HAUS5: variants seen among roughly 807,000 people sequenced by gnomAD.
The protein encoded by HAUS5 is HAUS augmin like complex subunit 5, also known as HAUS augmin-like complex subunit 5.
In HAUS5, 67 loss-of-function variants were observed where a neutral mutation model predicts 94.1. The observed-to-expected ratio is 0.71, with a 90% CI of 0.58 to 0.87. HAUS5 has a LOEUF of 0.87. Among genes scored for constraint, HAUS5 ranks in the 40% least tolerant of loss-of-function variants. The pLI is 0.00. For missense variants in HAUS5, 739 were observed against 825.6 expected, an observed-to-expected ratio of 0.90 and a Z score of 1.29; for synonymous variants, 339 against 355.4, an observed-to-expected ratio of 0.95 and a Z score of 0.52.
rs766118317 is a variant in HAUS5, at chr19:35,618,928, C to CG, written c.1060dup (p.Glu354GlyfsTer81). 6.2e-7 allele frequency: 1 copy of CG among 1,612,852 alleles called. No individual in the cohort carries two copies. The highest frequency in any genetic ancestry group is 2.2e-5 in the East Asian group (1 of 44,846). On this transcript the variant is annotated frameshift_variant, in exon 13 of 19. Coordinates refer to ENST00000203166, the MANE Select transcript of HAUS5 (RefSeq NM_015302.2). LOFTEE classifies it high-confidence loss of function. ...GGGCTTCGGCGCTGTTGCCTGTGGA[C>CG]GGAGCTCAAGGCCCTGCACGATCAG...
chr19:35,619,849 C>A, intron 15 of HAUS5, 91 bp downstream of exon 15: 2 of 1,515,870 alleles, frequency 1.3e-6, no homozygotes, highest in Non-Finnish European at 1.8e-6. Flanking sequence ...TAACCCCAGA[C>A]CCCCAGTGTT....
chr19:35,617,409 G>A (rs1292884652), intron 8 of HAUS5, 40 bp downstream of exon 8: 1 of 1,381,202 alleles, frequency 7.2e-7, no homozygotes, highest in East Asian at 2.3e-5. Flanking sequence ...TAAAGACCCT[G>A]GGTTTTAAGT....
Position 35,617,385 on chromosome 19 carries a change from C to T in HAUS5, c.638+16C>T. 6.4e-7 allele frequency: 1 copy of T among 1,568,306 alleles called. No individual in the cohort carries two copies. On this transcript the variant is annotated intron_variant, in intron 8 of 18. Coordinates refer to ENST00000203166, the MANE Select transcript of HAUS5 (RefSeq NM_015302.2). ...GCAGCCTCCCGTGAGTGTCCCTAGC[C>T]CCCAGAGACCCTGTAAAGACCCTGG... is the stretch of plus-strand genomic sequence containing the variant.
In HAUS5 at chr19:35,612,902, G is replaced by T; in HGVS notation, c.98+10G>T. The T allele has an allele frequency of 1.3e-6, 2 of 1,505,006 alleles. No homozygotes were observed. The highest frequency in any genetic ancestry group is 1.8e-6 in the Non-Finnish European group (2 of 1,126,460). The allele number at this position is 1,505,006 out of a possible 1,614,324, so 93.2% of individuals were successfully genotyped here. A position where few individuals can be genotyped will look rare whatever the true frequency, so the allele number is the denominator to read the frequency against. On this transcript the variant is annotated intron_variant, in intron 1 of 18. Transcript: ENST00000203166. ...AATCGACGCTGCGCAGGTGAGGACCGCTCCTGGAGTGAGGACACCCCACCC... is the reference window on the plus strand; with the variant it reads ...AATCGACGCTGCGCAGGTGAGGACCTCTCCTGGAGTGAGGACACCCCACCC...
chr19:35,617,927 C>T lies in HAUS5; in HGVS notation c.696+15C>T, dbSNP rs200550489. The T allele has an allele frequency of 6.8e-4, 1,091 of 1,613,418 alleles. No homozygotes were observed. The highest frequency in any genetic ancestry group is 3.3e-3 in the Middle Eastern group (20 of 6,054). ...GCTCAGTGGAGGTGAGAGGGCAGGG[C>T]TCTCAGGAAAGCCACACCCTCCCGC... On this transcript the variant is annotated intron_variant, in intron 9 of 18. Coordinates refer to ENST00000203166, the MANE Select transcript of HAUS5 (RefSeq NM_015302.2).
intron 12 of HAUS5, 82 bp downstream of exon 12, chr19:35,618,781 G>A: frequency 1.3e-6 from 2 of 1,525,322 alleles, no homozygotes; most frequent in Non-Finnish European, 1.8e-6. Context: ...AGCCTCTGTG[G>A]CTCCTATCTC....
chr19:35,616,975 TG>T, intron 6 of HAUS5, 148 bp from the exon 7 acceptor site: 1 of 642,472 alleles, frequency 1.6e-6, no homozygotes, highest in Non-Finnish European at 2.8e-6. Context: ...ATATTCCAGC[TG>T]GGAGGTGACA....
At position 35,618,923 on chromosome 19, in the gene HAUS5, G is replaced by T; in HGVS notation, c.1053G>T (p.Leu351=). 6.2e-7 allele frequency: 1 copy of T among 1,612,754 alleles called. No individual in the cohort carries two copies. Among genetic ancestry groups the T allele is most frequent in the Non-Finnish European group, 8.5e-7 (1 of 1,179,440 alleles). Residue 351 remains leucine (L), a synonymous_variant, in exon 13 of 19, where the codon CTG becomes CTT. Transcript: ENST00000203166. ...VLILGLRRCC[L]WTELKALHDQ... is the part of the protein sequence containing the mutation. ...TACTGGGGCTTCGGCGCTGTTGCCT[G>T]TGGACGGAGCTCAAGGCCCTGCACG... is the stretch of plus-strand genomic sequence containing the variant.
intron 14 of HAUS5, 29 bp from the exon 15 acceptor site, chr19:35,619,584 G>GCCCCCCCCCCCCCCCCCCCAACCCC: frequency 1.3e-6 from 2 of 1,533,890 alleles, no homozygotes; most frequent in East Asian, 2.3e-5. Context: ...ATGTTGTGAT[G>GCCCCCCCCCCCCCCCCCCCAACCCC]CCCCACCCAC....
At position 35,617,288 on chromosome 19, in the gene HAUS5, G is replaced by A. The variant is rs202201760; in HGVS notation, c.557G>A (p.Arg186His). The A allele has an allele frequency of 2.5e-5, 40 of 1,613,344 alleles. No homozygotes were observed. Among genetic ancestry groups the A allele is most frequent in the African/African-American group, 1.1e-4 (8 of 75,022 alleles). ...GTCCCTTCCTCCTCTTCTCCCTAGCGTGATGTCCGAACAGCCTGCACCCTC... is the reference window on the plus strand; with the variant it reads ...GTCCCTTCCTCCTCTTCTCCCTAGCATGATGTCCGAACAGCCTGCACCCTC... ...AALGLEPVVL[R>H]DVRTACTLRA... Residue 186 changes from arginine (R) to histidine (H), a missense_variant and splice_region_variant, in exon 8 of 19, where the codon CGT (arginine) becomes CAT (histidine). By Grantham distance (29) the Arg-to-His change is conservative. Coordinates refer to ENST00000203166, the MANE Select transcript of HAUS5 (RefSeq NM_015302.2).
rs1202657210 is a variant in HAUS5, at chr19:35,619,767, G to A, written c.1406+9G>A. Reference sequence around the variant, plus strand: ...CGGCACAGGCCGGGAGAGTGAGACTGGGGCTGCCCCACCCCTGCCCTGCAT... The same window carrying A: ...CGGCACAGGCCGGGAGAGTGAGACTAGGGCTGCCCCACCCCTGCCCTGCAT... On this transcript the variant is annotated intron_variant, in intron 15 of 18. Transcript: ENST00000203166. The A allele has an allele frequency of 1.3e-6, 2 of 1,537,516 alleles. No homozygotes were observed. Among genetic ancestry groups the A allele is most frequent in the Non-Finnish European group, 1.8e-6 (2 of 1,140,808 alleles).
chr19:35,615,041 G>C lies in HAUS5; in HGVS notation c.220-1G>C. 1 of 1,583,918 alleles carries C rather than the reference G, an allele frequency of 6.3e-7. No homozygotes were observed. Among genetic ancestry groups the C allele is most frequent in the Non-Finnish European group, 8.6e-7 (1 of 1,164,864 alleles). ...TCTGACCCTGAATCTGATCCTCCCA[G>C]GTCCGTCGGAAGTTAGAGCTGGAAG... On this transcript the variant is annotated splice_acceptor_variant, in intron 4 of 18. Coordinates refer to ENST00000203166, the MANE Select transcript of HAUS5 (RefSeq NM_015302.2). LOFTEE classifies it high-confidence loss of function.
chr19:35,624,662 C>G lies in HAUS5; in HGVS notation c.*1669C>G, dbSNP rs1036821766. The G allele has an allele frequency of 2.6e-5, 4 of 152,136 alleles. No homozygotes were observed. Among genetic ancestry groups the G allele is most frequent in the African/African-American group, 9.7e-5 (4 of 41,418 alleles). 9.4% of individuals were successfully genotyped at this position (152,136 alleles called of 1,614,324 possible). A position where few individuals can be genotyped will look rare whatever the true frequency, so the allele number is the denominator to read the frequency against. On this transcript the variant is annotated 3_prime_UTR_variant, in exon 19 of 19. Coordinates refer to ENST00000203166, the MANE Select transcript of HAUS5 (RefSeq NM_015302.2). ...AGAGTCGGAGCTTTACCATGTTGGT[C>G]AGGCTGCTCTCCAACTCCTGGCCTC...
In HAUS5 at chr19:35,618,086, C is replaced by T; in HGVS notation, c.712C>T (p.His238Tyr). 1 of 1,596,468 alleles carries T rather than the reference C, an allele frequency of 6.3e-7. No individual in the cohort carries two copies. The highest frequency in any genetic ancestry group is 8.6e-7 in the Non-Finnish European group (1 of 1,169,448). Reference protein sequence around the residue: ...LSSVETLLTNHPPGHVLAALE... With the variant: ...LSSVETLLTNYPPGHVLAALE... ...CTCCCCCTAGACGCTGCTGACAAAC[C>T]ACCCCCCAGGCCACGTCCTGGCTGC... is the stretch of plus-strand genomic sequence containing the variant. The change falls in exon 10 of 19, where the codon CAC becomes TAC. Residue 238 changes from histidine to tyrosine, a missense_variant. By Grantham distance (83) the His-to-Tyr change is moderately conservative (BLOSUM62 2). Transcript: ENST00000203166.
rs1300715328 is a variant in HAUS5 at position 35,613,731 on chromosome 19, CTG to C, written c.104_105del (p.Cys35SerfsTer6). The C allele has an allele frequency of 6.2e-7, 1 of 1,613,884 alleles. No homozygotes were observed. On this transcript the variant is annotated frameshift_variant and splice_region_variant, in exon 2 of 19. Transcript: ENST00000203166. LOFTEE classifies it high-confidence loss of function. ...TATGCTTACACACTGTCCCCACAGGCTGTGTCTGGGCCAGGGGGCTGACATCT... is the reference window on the plus strand; with the variant it reads ...TATGCTTACACACTGTCCCCACAGGCTGTCTGGGCCAGGGGGCTGACATCT... ...ARAPESTLRR[L>X]CLGQGADIWA...
chr19:35,618,289 G>A, intron 10 of HAUS5, 94 bp downstream of exon 10: 1 of 1,601,452 alleles, frequency 6.2e-7, no homozygotes, highest in Non-Finnish European at 8.5e-7. Context: ...CCTGCTGATG[G>A]GGTAGAACTG....
rs1204359137 is a variant in HAUS5 at position 35,618,617 on chromosome 19, C to T, written c.934C>T (p.Leu312=). 2.7e-5 allele frequency: 43 copies of T among 1,607,952 alleles called. No homozygotes were observed. The highest frequency in any genetic ancestry group is 3.5e-5 in the Non-Finnish European group (41 of 1,175,404). The part of the protein sequence containing the change: ...GVLVSQRSTL[L]KERQVLTQRL... Reference sequence around the variant, plus strand: ...GCTGGTCTCCCAGCGGAGCACCCTCCTGAAGGAGCGGCAAGTCTTGACCCA... The same window carrying T: ...GCTGGTCTCCCAGCGGAGCACCCTCTTGAAGGAGCGGCAAGTCTTGACCCA... The change falls in exon 12 of 19, where the codon CTG becomes TTG. Residue 312 remains leucine, a synonymous_variant. Transcript: ENST00000203166.
chr19:35,619,744 G>T lies in HAUS5; in HGVS notation c.1392G>T (p.Arg464=). 1 of 1,555,032 alleles carries T rather than the reference G, an allele frequency of 6.4e-7. No individual in the cohort carries two copies. Among genetic ancestry groups the T allele is most frequent in the Non-Finnish European group, 8.7e-7 (1 of 1,149,870 alleles). Residue 464 remains arginine, a synonymous_variant, in exon 15 of 19, where the codon CGG becomes CGT. Transcript: ENST00000203166. ...ACATTCTGTTGGGCACGCTGCTGCG[G>T]CACAGGCCGGGAGAGTGAGACTGGG... The part of the protein sequence containing the change: ...LPHILLGTLL[R]HRPGELKPLP...
chr19:35,613,925 C>G, intron 3 of HAUS5, 25 bp downstream of exon 3: 1 of 1,613,254 alleles, frequency 6.2e-7, no homozygotes, highest in Non-Finnish European at 8.5e-7. Flanking sequence ...AAGCTATCCC[C>G]TCCTGTCTTC....
Sources: gnomAD v4.1 joint callset for allele counts on GRCh38, gnomAD v4.1.1 for gene constraint, MANE v1.5 for transcripts, NCBI Gene and HGNC (gene_info 2026-07-23, HGNC 2026-07-21) for gene names.